The following SGMS1 variants were observed in gnomAD, a reference collection of about 807,000 sequenced individuals.
SGMS1 encodes the protein sphingomyelin synthase 1, also known as phosphatidylcholine:ceramide cholinephosphotransferase 1.
Under a neutral mutation model 46.2 loss-of-function variants are expected in SGMS1, and 13 were observed. The ratio of observed to expected loss-of-function variants is 0.28; its 90% CI spans 0.18 to 0.45. SGMS1 has a LOEUF of 0.45. SGMS1 is among the 20% of genes least tolerant of loss of function. SGMS1 has a pLI of 1.00. For synonymous variants in SGMS1, 203 were observed against 187.8 expected (o/e 1.08, Z -0.66); for missense variants, 324 against 519.9 (o/e 0.62, Z 3.66).
chr10:50,606,009 A>G (rs1442707785), intron 1 of SGMS1, among the ~76,000 whole-genome samples: 1 of 152,230 alleles, frequency 6.6e-6, no homozygotes, highest in Admixed American at 6.5e-5. Context: ...GAGTCTCTTG[A>G]AAGATGTTTG....
chr10:50,355,600 A>G (rs942392036), intron 6 of SGMS1, among the ~76,000 whole-genome samples: 1 of 152,208 alleles, frequency 6.6e-6, no homozygotes, highest in South Asian at 2.1e-4. Flanking sequence ...GCTGGAGTGC[A>G]GTGGCGTGAT....
intron 6 of SGMS1, among the ~76,000 whole-genome samples, chr10:50,381,482 C>T (rs1384017211): frequency 4.6e-5 from 7 of 152,056 alleles, no homozygotes; most frequent in African/African-American, 9.7e-5. Flanking sequence ...AAAATCCTTT[C>T]GTGAATTTTC....
intron 7 of SGMS1, among the ~76,000 whole-genome samples, chr10:50,332,611 C>CT (rs150975310): frequency 0.025 from 1,830 of 72,710 alleles, 274 homozygotes; most frequent in African/African-American, 0.071. Context: ...TTTTTTAAGT[C>CT]TTTTTTTTTT....
At chr10:50,349,823 C>T (rs1314077172) in intron 6 of SGMS1, among the ~76,000 whole-genome samples, 1 of 152,188 alleles carries the variant, frequency 6.6e-6, no homozygotes, top group Non-Finnish European at 1.5e-5. Flanking sequence ...AGCTGTAAGT[C>T]CATTTAAACC....
At chr10:50,440,509 T>A (rs1468165173) in intron 5 of SGMS1, among the ~76,000 whole-genome samples, 1 of 152,202 alleles carries the variant, frequency 6.6e-6, no homozygotes, top group Non-Finnish European at 1.5e-5. Flanking sequence ...TGCATCTGAA[T>A]GCTTTGACAT....
chr10:50,538,072 C>A (rs922596718), intron 2 of SGMS1, among the ~76,000 whole-genome samples: 22 of 150,922 alleles, frequency 1.5e-4, no homozygotes, highest in Non-Finnish European at 2.5e-4. Flanking sequence ...CCACGGCACT[C>A]CAGCCTGGGC....
At chr10:50,613,169 C>T (rs1838766229) in intron 1 of SGMS1, among the ~76,000 whole-genome samples, 1 of 152,086 alleles carries the variant, frequency 6.6e-6, no homozygotes, top group Admixed American at 6.5e-5. Context: ...CAAAAAAATG[C>T]CACTTCTGGC....
At chr10:50,519,532 A>G (rs1186776501) in intron 3 of SGMS1, among the ~76,000 whole-genome samples, 1 of 152,102 alleles carries the variant, frequency 6.6e-6, no homozygotes, top group Non-Finnish European at 1.5e-5. Context: ...TGTCATTTCC[A>G]GAGACTCAGG....
chr10:50,348,463 CAA>C (rs764603034), intron 6 of SGMS1, among the ~76,000 whole-genome samples: 1 of 152,256 alleles, frequency 6.6e-6, no homozygotes, highest in East Asian at 1.9e-4. Context: ...GCAACTTCAG[CAA>C]AGTCTCAGGA....
At chr10:50,512,743 G>A (rs1837768311) in intron 3 of SGMS1, among the ~76,000 whole-genome samples, 1 of 152,324 alleles carries the variant, frequency 6.6e-6, no homozygotes, top group East Asian at 1.9e-4. Flanking sequence ...ATCAAACACT[G>A]TTTTACAACA....
chr10:50,586,420 C>T (rs886875957), intron 2 of SGMS1, among the ~76,000 whole-genome samples: 4 of 152,244 alleles, frequency 2.6e-5, no homozygotes, highest in Admixed American at 2.6e-4. Flanking sequence ...GGATGTGGCC[C>T]ACTGCCATAC....
intron 6 of SGMS1, among the ~76,000 whole-genome samples, chr10:50,406,378 C>T (rs559896015): frequency 1.3e-5 from 2 of 152,268 alleles, no homozygotes; most frequent in East Asian, 3.9e-4. Flanking sequence ...AGAGTGCCTC[C>T]AGTAGATATC....
At chr10:50,333,604 C>T (rs1847662366) in intron 7 of SGMS1, among the ~76,000 whole-genome samples, 2 of 152,140 alleles carry the variant, frequency 1.3e-5, no homozygotes, top group Admixed American at 1.3e-4. Context: ...TCAATGGCTA[C>T]AGACTCCATT....
At chr10:50,596,694 T>TG (rs1351726796) in intron 1 of SGMS1, among the ~76,000 whole-genome samples, 3 of 152,162 alleles carry the variant, frequency 2.0e-5, no homozygotes, top group Non-Finnish European at 4.4e-5. Flanking sequence ...CAGTATGAGG[T>TG]GTTTGAAGAA....
At chr10:50,367,165 A>T (rs1170908345) in intron 6 of SGMS1, among the ~76,000 whole-genome samples, 1 of 152,200 alleles carries the variant, frequency 6.6e-6, no homozygotes, top group Non-Finnish European at 1.5e-5. Context: ...TGGGTAACCA[A>T]TGGTTTTCCA....
intron 6 of SGMS1, among the ~76,000 whole-genome samples, chr10:50,378,080 C>T (rs1006602668): frequency 2.6e-5 from 4 of 152,188 alleles, no homozygotes; most frequent in Non-Finnish European, 5.9e-5. Flanking sequence ...AGTGATTTTG[C>T]TTCTACCTTG....
chr10:50,402,404 A>G lies in SGMS1; in HGVS notation c.-232+31072T>C, dbSNP rs564871765. Among the ~76,000 whole-genome samples the G allele has an allele frequency of 2.0e-5, 3 of 152,328 alleles. No homozygotes were observed. The South Asian group carries it at 6.2e-4, about 32-fold the overall frequency. ...AAAACTATGAAGAATAAACAAAACC[A>G]TTAGACATCTCAGGTCAAATGGCAA... On this transcript the variant is annotated intron_variant, in intron 6 of 10. Transcript: ENST00000361781.
chr10:50,334,099 T>C (rs1847673706), intron 7 of SGMS1, among the ~76,000 whole-genome samples: 1 of 152,174 alleles, frequency 6.6e-6, no homozygotes, highest in South Asian at 2.1e-4. Context: ...ATTAAAATGT[T>C]ACTTCCTGAC....
chr10:50,508,290 G>T (rs936089526), intron 3 of SGMS1, among the ~76,000 whole-genome samples: 1 of 152,132 alleles, frequency 6.6e-6, no homozygotes, highest in Non-Finnish European at 1.5e-5. Context: ...GAGACTCAGG[G>T]GCCATAAGTT....
Sources: allele counts gnomAD v4.1 joint callset (sites outside exome capture counted in the v4.1 genomes callset), GRCh38; gene constraint gnomAD v4.1.1; transcripts MANE v1.5; gene names NCBI Gene and HGNC (gene_info 2026-07-23, HGNC 2026-07-21).